Variants in PUDP observed in about 807,000 individuals in gnomAD.
The protein encoded by PUDP is pseudouridine 5'-phosphatase.
In PUDP, 8 loss-of-function variants were observed where a neutral mutation model predicts 9.4. The ratio of observed to expected loss-of-function variants is 0.85; its 90% CI spans 0.50 to 1.53. The LOEUF (loss-of-function observed/expected upper bound fraction) is 1.53. PUDP is among the 40% of genes most tolerant of loss of function. PUDP has a pLI of 0.00. For synonymous variants in PUDP, 99 were observed against 80.7 expected (o/e 1.23, Z -1.22); for missense variants, 188 against 189.7 (o/e 0.99, Z 0.05).
intron 2 of PUDP, among the ~76,000 whole-genome samples, chrX:7,080,415 G>A (rs746530043): frequency 1.8e-5 from 2 of 111,651 alleles, no homozygotes; most frequent in African/African-American, 6.5e-5. Flanking sequence ...ATTCTAAACA[G>A]ACTTTTCAGG....
intron 2 of PUDP, among the ~76,000 whole-genome samples, chrX:7,087,324 T>G (rs1363698846): frequency 9.0e-6 from 1 of 110,613 alleles, no homozygotes; most frequent in Non-Finnish European, 1.9e-5. Flanking sequence ...AAGCTAAGGG[T>G]GGCCGGCAAC....
intron 3 of PUDP, among the ~76,000 whole-genome samples, chrX:6,787,022 T>G (rs1925659541): frequency 9.9e-6 from 1 of 101,339 alleles, no homozygotes; most frequent in Non-Finnish European, 2.0e-5. Flanking sequence ...CCCCCCGACC[T>G]TTGTCTCTGT....
intron 3 of PUDP, among the ~76,000 whole-genome samples, chrX:6,862,431 C>T (rs1927015576): frequency 8.9e-6 from 1 of 112,636 alleles, no homozygotes; most frequent in African/African-American, 3.2e-5. Flanking sequence ...TAAAGATGTT[C>T]ATTTTACATT....
In PUDP at chrX:7,075,191, A is replaced by T. The variant is rs1229513099; in HGVS notation, c.510+2029T>A. 6.2e-5 allele frequency among the ~76,000 whole-genome samples: 7 copies of T among 112,111 alleles called. No homozygotes were observed. In the Admixed American group the frequency reaches 6.6e-4, roughly 11 times the overall value. On this transcript the variant is annotated intron_variant, in intron 3 of 3. Coordinates refer to ENST00000381077, the MANE Select transcript of PUDP (RefSeq NM_012080.5). ...GATAGCTTTAGGACAGGGTCTGGAC[A>T]TCAGAAAGACCAAATATGCGATTAG... is the stretch of plus-strand genomic sequence containing the variant.
chrX:6,846,622 C>A (rs1246829542), intron 3 of PUDP, among the ~76,000 whole-genome samples: 1 of 110,565 alleles, frequency 9.0e-6, no homozygotes, highest in Non-Finnish European at 1.9e-5. Context: ...TCAGTTTTGA[C>A]CTTAGCTTTG....
At chrX:6,770,844 C>A (rs1262128518) in intron 3 of PUDP, among the ~76,000 whole-genome samples, 1 of 111,727 alleles carries the variant, frequency 9.0e-6, no homozygotes, top group Non-Finnish European at 1.9e-5. Flanking sequence ...AAGCAAATAT[C>A]TCTCATTACG....
chrX:6,926,935 T>C (rs888123608), intron 3 of PUDP, among the ~76,000 whole-genome samples: 12 of 96,443 alleles, frequency 1.2e-4, no homozygotes, highest in Non-Finnish European at 2.3e-4. Flanking sequence ...TTTTTTTTTT[T>C]TTTTTTTTTT....
intron 3 of PUDP, among the ~76,000 whole-genome samples, chrX:6,867,758 T>C (rs749371936): frequency 9.0e-6 from 1 of 111,409 alleles, no homozygotes; most frequent in Non-Finnish European, 1.9e-5. Context: ...TGTGTTGCTA[T>C]TACAGAATAC....
intron 3 of PUDP, among the ~76,000 whole-genome samples, chrX:6,810,953 C>T (rs973324413): frequency 4.5e-5 from 5 of 111,287 alleles, no homozygotes; most frequent in African/African-American, 1.3e-4. Flanking sequence ...TGCTTTTTGG[C>T]AACAGGCTGT....
intron 3 of PUDP, chrX:7,057,527 T>G (rs1930276556): frequency 1.5e-6 from 1 of 665,849 alleles, no homozygotes; most frequent in Admixed American, 4.0e-5. Flanking sequence ...ATACCTGGGA[T>G]GTTAAGCCTG....
intron 3 of PUDP, among the ~76,000 whole-genome samples, chrX:6,852,438 A>C (rs1026798223): frequency 6.2e-5 from 7 of 112,052 alleles, no homozygotes; most frequent in African/African-American, 2.3e-4. Context: ...AACCTACAGC[A>C]CTTGGGTGTA....
chrX:6,818,877 G>A (rs1256006554), intron 3 of PUDP, among the ~76,000 whole-genome samples: 5 of 111,964 alleles, frequency 4.5e-5, no homozygotes, highest in Non-Finnish European at 9.4e-5. Flanking sequence ...TTGATTCTTC[G>A]TAAGCCTGCT....
intron 3 of PUDP, among the ~76,000 whole-genome samples, chrX:6,834,634 G>A (rs1926554426): frequency 8.9e-6 from 1 of 111,779 alleles, no homozygotes; most frequent in Non-Finnish European, 1.9e-5. Flanking sequence ...ATAGGAAAGT[G>A]TTTTTGTGCA....
intron 2 of PUDP, among the ~76,000 whole-genome samples, chrX:7,082,813 T>G (rs1383209404): frequency 8.9e-6 from 1 of 112,788 alleles, no homozygotes; most frequent in Non-Finnish European, 1.9e-5. Flanking sequence ...GGGGCTACTT[T>G]TGCAACTGCC....
chrX:7,030,376 G>C (rs761758910), intron 1 of PUDP, among the ~76,000 whole-genome samples: 7 of 111,021 alleles, frequency 6.3e-5, no homozygotes, highest in African/African-American at 9.8e-5. Flanking sequence ...TTGATAAAAG[G>C]CTTCCGCGAT....
intron 3 of PUDP, among the ~76,000 whole-genome samples, chrX:6,774,197 G>A (rs905887884): frequency 1.8e-5 from 2 of 111,919 alleles, no homozygotes; most frequent in African/African-American, 3.2e-5. Flanking sequence ...GTGTTATCCC[G>A]TTCTGCAGGA....
At chrX:7,068,827 C>T (rs1930646608) in intron 3 of PUDP, among the ~76,000 whole-genome samples, 1 of 111,163 alleles carries the variant, frequency 9.0e-6, no homozygotes, top group Non-Finnish European at 1.9e-5. Context: ...GCAGGGTCCC[C>T]AAGAGTAGAT....
intron 1 of PUDP, among the ~76,000 whole-genome samples, chrX:7,139,219 C>A (rs1253751361): frequency 8.9e-6 from 1 of 112,072 alleles, no homozygotes. Context: ...TTTGTAACAC[C>A]CAGCAGAGTA....
At chrX:7,045,971 A>C (rs1929978577), downstream of PUDP, among the ~76,000 whole-genome samples, 1 of 112,626 alleles carries the variant, frequency 8.9e-6, no homozygotes, top group Admixed American at 9.4e-5. Context: ...CTTGAAAAGA[A>C]AGTCAAATAC....
Sources: gnomAD v4.1 joint callset for allele counts (sites outside exome capture counted in the v4.1 genomes callset) on GRCh38, gnomAD v4.1.1 for gene constraint, MANE v1.5 for transcripts, NCBI Gene and HGNC (gene_info 2026-07-23, HGNC 2026-07-21) for gene names.